SCIN: variants seen among roughly 807,000 people sequenced by gnomAD.
The protein encoded by SCIN is adseverin.
A neutral mutation model predicts 91.8 loss-of-function variants in SCIN; 91 were observed. The ratio of observed to expected loss-of-function variants is 0.99; its 90% CI spans 0.84 to 1.18. The LOEUF (loss-of-function observed/expected upper bound fraction) is 1.18. Among genes scored for constraint, SCIN ranks in the 50% most tolerant of loss-of-function variants. The pLI is 0.00. For missense variants in SCIN, 1,087 were observed against 863.9 expected, an observed-to-expected ratio of 1.26 and a Z score of -3.24; for synonymous variants, 367 against 312.6, an observed-to-expected ratio of 1.17 and a Z score of -1.84.
At chr7:12,644,509 A>T in intron 12 of SCIN, 75 bp from the exon 13 acceptor site, 1 of 1,564,664 alleles carries the variant, frequency 6.4e-7, no homozygotes, top group Non-Finnish European at 8.6e-7. Context: ...AGGTGAGATA[A>T]TATTTGTTCA....
At position 12,570,879 on chromosome 7, in the gene SCIN, C is replaced by A; in HGVS notation, c.93C>A (p.Pro31=). The change falls in exon 1 of 16, where the codon CCC becomes CCA. Residue 31 remains proline, a synonymous_variant. Coordinates refer to ENST00000297029, the MANE Select transcript of SCIN (RefSeq NM_001112706.3). ...GGATTGAGAAGCTGGAGCTGGTGCC[C>A]GTGCCCCAGAGCGCTCACGGCGACT... ...VWRIEKLELV[P]VPQSAHGDFY... is the part of the protein sequence containing the mutation. 6.4e-7 allele frequency: 1 copy of A among 1,551,528 alleles called. No individual in the cohort carries two copies. The highest frequency in any genetic ancestry group is 8.7e-7 in the Non-Finnish European group (1 of 1,146,950).
At chr7:12,616,741 A>G (rs1432781111) in intron 4 of SCIN, among the ~76,000 whole-genome samples, 1 of 152,152 alleles carries the variant, frequency 6.6e-6, no homozygotes. Flanking sequence ...ACTATATGGG[A>G]AAATATGATG....
chr7:12,645,409 T>G (rs1422031192), intron 13 of SCIN, among the ~76,000 whole-genome samples: 1 of 152,204 alleles, frequency 6.6e-6, no homozygotes, highest in Non-Finnish European at 1.5e-5. Context: ...TCTGACACCT[T>G]CAGACATGCT....
chr7:12,642,809 G>C (rs568054002), intron 11 of SCIN, among the ~76,000 whole-genome samples: 2 of 151,508 alleles, frequency 1.3e-5, no homozygotes, highest in South Asian at 4.2e-4. Flanking sequence ...CACTCCTCTC[G>C]GGCTAGTTTG....
chr7:12,583,482 C>A (rs1219254707), intron 3 of SCIN, among the ~76,000 whole-genome samples: 1 of 152,058 alleles, frequency 6.6e-6, no homozygotes, highest in East Asian at 1.9e-4. Flanking sequence ...TTTTTCTATT[C>A]CTACTTTACA....
chr7:12,654,217 A>G lies in SCIN; in HGVS notation c.*1502A>G, dbSNP rs1377892329. The G allele has an allele frequency of 1.3e-5, 2 of 152,182 alleles. No homozygotes were observed. The highest frequency in any genetic ancestry group is 1.3e-4 in the Admixed American group (2 of 15,276). 9.4% of individuals were successfully genotyped at this position (152,182 alleles called of 1,614,324 possible). A position where few individuals can be genotyped will look rare whatever the true frequency, so the allele number is the denominator to read the frequency against. On this transcript the variant is annotated 3_prime_UTR_variant, in exon 16 of 16. Coordinates refer to ENST00000297029, the MANE Select transcript of SCIN (RefSeq NM_001112706.3). ...ACTAAAGAGACAACTGACTTACCAC[A>G]CAAATGGACTATGGTAGAAGCTGCT...
At chr7:12,581,580 G>A (rs758915071) in intron 3 of SCIN, among the ~76,000 whole-genome samples, 6 of 152,074 alleles carry the variant, frequency 3.9e-5, no homozygotes, top group African/African-American at 1.4e-4. Flanking sequence ...AGCAACAAAA[G>A]GTTCTAGAAT....
chr7:12,648,379 C>G (rs1405646436), intron 13 of SCIN, among the ~76,000 whole-genome samples: 1 of 151,240 alleles, frequency 6.6e-6, no homozygotes, highest in African/African-American at 2.4e-5. Context: ...TCACTGCAAC[C>G]TCCACCTCCC....
chr7:12,587,096 G>C (rs1345083861), intron 3 of SCIN, among the ~76,000 whole-genome samples: 1 of 152,162 alleles, frequency 6.6e-6, no homozygotes, highest in Non-Finnish European at 1.5e-5. Flanking sequence ...AGTGTTCCCA[G>C]TACAAATAAG....
rs1388577259 is a variant in SCIN, at chr7:12,651,925, A to G, written c.2020+24A>G. 6.5e-7 allele frequency: 1 copy of G among 1,544,274 alleles called. No homozygotes were observed. The highest frequency in any genetic ancestry group is 8.9e-7 in the Non-Finnish European group (1 of 1,123,580). ...TGGTAAGCTCAATCGATGGACCATT[A>G]TAGCAGTAACCGGGCACCATTATGA... On this transcript the variant is annotated intron_variant, in intron 15 of 15. Transcript: ENST00000297029. This position sits in a 1 kb window ranked among gnomAD's most constrained non-coding sequence, Gnocchi z 5.9.
chr7:12,595,403 G>A (rs1485222644), intron 3 of SCIN: 1 of 150,576 alleles, frequency 6.6e-6, no homozygotes, highest in African/African-American at 2.4e-5. Flanking sequence ...TGGTGACCTT[G>A]CTGTAGGCCT....
chr7:12,606,570 C>G (rs999136602), intron 4 of SCIN, among the ~76,000 whole-genome samples: 7 of 152,020 alleles, frequency 4.6e-5, no homozygotes, highest in Admixed American at 1.3e-4. Flanking sequence ...GGGGAAAATT[C>G]TCATGGTATA....
At chr7:12,596,063 A>G (rs1010213670) in intron 3 of SCIN, among the ~76,000 whole-genome samples, 2 of 152,228 alleles carry the variant, frequency 1.3e-5, no homozygotes, top group African/African-American at 4.8e-5. Context: ...AAAGGAACGT[A>G]TGCTTGGAAG....
At chr7:12,596,746 C>T (rs1189420205) in intron 3 of SCIN, among the ~76,000 whole-genome samples, 3 of 151,424 alleles carry the variant, frequency 2.0e-5, no homozygotes, top group African/African-American at 7.3e-5. Context: ...TTCACCTGTG[C>T]TCACTGGTGC....
At chr7:12,588,822 T>A (rs1348394773) in intron 3 of SCIN, 1 of 4,486 alleles carries the variant, frequency 2.2e-4, no homozygotes, top group Admixed American at 2.5e-3. Context: ...GGGGGGGGGG[T>A]GCGGGGGCGG....
At chr7:12,634,010 C>T (rs1256039667) in intron 9 of SCIN, among the ~76,000 whole-genome samples, 1 of 149,538 alleles carries the variant, frequency 6.7e-6, no homozygotes. Flanking sequence ...TTTACATCAA[C>T]CATTTGCCTT....
At position 12,657,671 on chromosome 7, in the gene SCIN, G is replaced by T. The variant is rs1197254969; in HGVS notation, c.*4956G>T. On this transcript the variant is annotated 3_prime_UTR_variant, in exon 16 of 16. Transcript: ENST00000297029. The stretch of plus-strand genomic sequence containing the variant: ...TGCAATCAGTGGAAGACAAATCAGA[G>T]GTATTATTTTCCCTTGGGCCTTTGC... 1 of 140,938 alleles carries T rather than the reference G, an allele frequency of 7.1e-6. No homozygotes were observed. The highest frequency in any genetic ancestry group is 7.4e-5 in the Admixed American group (1 of 13,472). 8.7% of individuals were successfully genotyped at this position (140,938 alleles called of 1,614,324 possible).
In SCIN at chr7:12,570,832, C is replaced by G. The variant is rs1228237276; in HGVS notation, c.46C>G (p.Gln16Glu). ...YHEEFARAGK[Q>E]AGLQVWRIEK... ...CGAAGAGTTCGCCCGGGCGGGCAAG[C>G]AGGCGGGGCTGCAGGTCTGGAGGAT... Residue 16 changes from glutamine (Q) to glutamate (E), a missense_variant, in exon 1 of 16, where the codon CAG becomes GAG. Physicochemically the swap from Gln to Glu is conservative, Grantham distance 29. Transcript: ENST00000297029. 1.3e-6 allele frequency: 2 copies of G among 1,551,470 alleles called. No homozygotes were observed. The highest frequency in any genetic ancestry group is 8.7e-7 in the Non-Finnish European group (1 of 1,146,984).
intron 4 of SCIN, among the ~76,000 whole-genome samples, chr7:12,611,728 T>C (rs1783195423): frequency 6.6e-6 from 1 of 151,962 alleles, no homozygotes; most frequent in Non-Finnish European, 1.5e-5. Flanking sequence ...TTTGAAAGAG[T>C]CTAAGGCTTT....
Sources: allele counts gnomAD v4.1 joint callset (sites outside exome capture counted in the v4.1 genomes callset), GRCh38; gene constraint gnomAD v4.1.1; non-coding constraint Gnocchi (gnomAD v3.1); transcripts MANE v1.5; gene names NCBI Gene and HGNC (gene_info 2026-07-23, HGNC 2026-07-21).